FCER1G: variants seen among roughly 807,000 people sequenced by gnomAD.
FCER1G encodes high affinity immunoglobulin epsilon receptor subunit gamma.
FCER1G carries 7 observed loss-of-function variants against 17.3 expected under a neutral mutation model. That is an observed-to-expected ratio of 0.40 (90% CI 0.23 to 0.76). FCER1G has a LOEUF of 0.76. Ranked by LOEUF, FCER1G falls within the 30% of genes least tolerant of loss-of-function variation. The pLI, the probability that FCER1G is intolerant of heterozygous loss-of-function variation, is 0.35. For missense variants in FCER1G, 87 were observed against 97.7 expected (o/e 0.89, Z 0.46); for synonymous variants, 35 against 38.7 (o/e 0.90, Z 0.35).
chr1:161,218,735 T>C lies in FCER1G; in HGVS notation c.198+12T>C. The C allele has an allele frequency of 1.2e-6, 2 of 1,613,702 alleles. No individual in the cohort carries two copies. The highest frequency in any genetic ancestry group is 1.1e-5 in the South Asian group (1 of 91,076). ...ATGGTGTTTACACGGTAAGTGTGCC[T>C]ACCTCCCCCACCCAGGAAGTCAGCA... On this transcript the variant is annotated intron_variant, in intron 4 of 4. Coordinates refer to ENST00000289902, the MANE Select transcript of FCER1G (RefSeq NM_004106.2).
At chr1:161,215,695 C>T (rs1336574694) in intron 1 of FCER1G, among the ~76,000 whole-genome samples, 1 of 152,002 alleles carries the variant, frequency 6.6e-6, no homozygotes, top group Non-Finnish European at 1.5e-5. Flanking sequence ...TGGGTTCAAG[C>T]GATTCTCCTG....
chr1:161,215,414 G>A, intron 1 of FCER1G, 44 bp downstream of exon 1: 4 of 1,577,944 alleles, frequency 2.5e-6, no homozygotes, highest in African/African-American at 1.3e-5. Flanking sequence ...GCTCCAGGGT[G>A]GAAGTCCAGA....
intron 2 of FCER1G, 21 bp downstream of exon 2, chr1:161,218,098 G>T: frequency 1.3e-6 from 2 of 1,592,388 alleles, no homozygotes; most frequent in Non-Finnish European, 8.6e-7. Context: ...GCAGGGTGGG[G>T]TAAGGGCTGG....
intron 1 of FCER1G, 96 bp from the exon 2 acceptor site, chr1:161,217,890 C>A: frequency 1.2e-6 from 1 of 835,928 alleles, no homozygotes; most frequent in Non-Finnish European, 2.1e-6. Context: ...CCCCTCCAGG[C>A]CCTGTCCTAC....
chr1:161,216,373 CACAT>C (rs1417580922), intron 1 of FCER1G, among the ~76,000 whole-genome samples: 38 of 135,218 alleles, frequency 2.8e-4, no homozygotes, highest in African/African-American at 7.2e-4. Flanking sequence ...CACACACACA[CACAT>C]ACACACACAC....
rs764590075 is a variant in FCER1G, at chr1:161,218,992, G to A, written c.*49G>A. Reference sequence around the variant, plus strand: ...TCTTCTTTGGCTTCTGGTTCTTCCAGCCCTCATGGTTGGCATCACATATGC... The same window carrying A: ...TCTTCTTTGGCTTCTGGTTCTTCCAACCCTCATGGTTGGCATCACATATGC... On this transcript the variant is annotated 3_prime_UTR_variant, in exon 5 of 5. Coordinates refer to ENST00000289902, the MANE Select transcript of FCER1G (RefSeq NM_004106.2). 1.4e-5 allele frequency: 21 copies of A among 1,479,926 alleles called. No homozygotes were observed. Among genetic ancestry groups the A allele is most frequent in the African/African-American group, 2.8e-5 (2 of 72,394 alleles). 91.7% of individuals were successfully genotyped at this position (1,479,926 alleles called of 1,614,324 possible).
chr1:161,218,867 A>C lies in FCER1G; in HGVS notation c.199-14A>C. On this transcript the variant is annotated splice_polypyrimidine_tract_variant and intron_variant, in intron 4 of 4. Transcript: ENST00000289902. ...GACTCCAGCTCCTGATCGCCCTTTG[A>C]CTCCCATCTCCAGGGCCTGAGCACC... 2 of 1,612,174 alleles carry C rather than the reference A, an allele frequency of 1.2e-6. No individual in the cohort carries two copies. Among genetic ancestry groups the C allele is most frequent in the Non-Finnish European group, 1.7e-6 (2 of 1,178,602 alleles).
chr1:161,215,844 G>A (rs573102963), intron 1 of FCER1G, among the ~76,000 whole-genome samples: 8 of 151,964 alleles, frequency 5.3e-5, no homozygotes, highest in Non-Finnish European at 8.8e-5. Context: ...CACCCACCTC[G>A]ACCTCCCAAA....
At chr1:161,218,853 C>G in intron 4 of FCER1G, 28 bp from the exon 5 acceptor site, 10 of 1,608,926 alleles carry the variant, frequency 6.2e-6, no homozygotes, top group Non-Finnish European at 8.5e-6. Context: ...ACTCCAGCTC[C>G]TGATCGCCCT....
intron 1 of FCER1G, among the ~76,000 whole-genome samples, chr1:161,216,571 A>G (rs1203666909): frequency 6.6e-6 from 1 of 152,116 alleles, no homozygotes; most frequent in Non-Finnish European, 1.5e-5. Context: ...TTCTGTCAGC[A>G]GTTGATAATG....
Position 161,218,767 on chromosome 1 carries a change from G to C in FCER1G, c.198+44G>C. Reference sequence around the variant, plus strand: ...CCCACCCAGGAAGTCAGCAGAAGAGGGTGGGATTTTGAGCGATCTTTGGAA... The same window carrying C: ...CCCACCCAGGAAGTCAGCAGAAGAGCGTGGGATTTTGAGCGATCTTTGGAA... On this transcript the variant is annotated intron_variant, in intron 4 of 4. Coordinates refer to ENST00000289902, the MANE Select transcript of FCER1G (RefSeq NM_004106.2). The C allele has an allele frequency of 1.9e-6, 3 of 1,611,990 alleles. No individual in the cohort carries two copies. The East Asian group carries it at 6.7e-5, about 36-fold the overall frequency.
In FCER1G at chr1:161,215,296, T is replaced by A. The variant is rs1666008658; in HGVS notation, c.-26T>A. On this transcript the variant is annotated 5_prime_UTR_variant, in exon 1 of 5. Coordinates refer to ENST00000289902, the MANE Select transcript of FCER1G (RefSeq NM_004106.2). ...CGCTGAGCACAGCTGCACAGTGCTGTCAGAACGGCCGATCTCCAGCCCAAG... is the reference window on the plus strand; with the variant it reads ...CGCTGAGCACAGCTGCACAGTGCTGACAGAACGGCCGATCTCCAGCCCAAG... 6 of 1,612,578 alleles carry A rather than the reference T, an allele frequency of 3.7e-6. No homozygotes were observed. Among genetic ancestry groups the A allele is most frequent in the Non-Finnish European group, 5.1e-6 (6 of 1,178,784 alleles).
At chr1:161,217,797 G>A (rs1355936862) in intron 1 of FCER1G, among the ~76,000 whole-genome samples, 189 bp from the exon 2 acceptor site, 1 of 152,146 alleles carries the variant, frequency 6.6e-6, no homozygotes, top group African/African-American at 2.4e-5. Flanking sequence ...TCCTATCCTA[G>A]CCTGACCCTA....
intron 3 of FCER1G, 119 bp from the exon 4 acceptor site, chr1:161,218,584 T>C: frequency 1.0e-6 from 1 of 968,404 alleles, no homozygotes; most frequent in Non-Finnish European, 1.7e-6. Flanking sequence ...TCCATGTGAG[T>C]GCCCTCTAGC....
chr1:161,216,427 T>TATAGAGAGAG (rs1553250803), intron 1 of FCER1G, among the ~76,000 whole-genome samples: 1 of 136,062 alleles, frequency 7.3e-6, no homozygotes, highest in Non-Finnish European at 1.6e-5. Context: ...TATATATATA[T>TATAGAGAGAG]AGAGAGAGAG....
In FCER1G at chr1:161,217,985, GC is replaced by G; in HGVS notation, c.50del (p.Ala17GlyfsTer30). 1.2e-6 allele frequency: 2 copies of G among 1,611,392 alleles called. No individual in the cohort carries two copies. Among genetic ancestry groups the G allele is most frequent in the Non-Finnish European group, 8.5e-7 (1 of 1,177,610 alleles). On this transcript the variant is annotated frameshift_variant and splice_region_variant, in exon 2 of 5. Coordinates refer to ENST00000289902, the MANE Select transcript of FCER1G (RefSeq NM_004106.2). LOFTEE classifies it high-confidence loss of function. The part of the protein sequence containing the change: ...LLLLLLVEQA[A>X]ALGEPQLCYI... ...CCCATGGGCATCCTCTATCCCCTCA[GC>G]GGCCCTGGGAGAGCCTCAGCTCTGC...
At chr1:161,218,620 C>T in intron 3 of FCER1G, 83 bp from the exon 4 acceptor site, 7 of 1,473,954 alleles carry the variant, frequency 4.7e-6, no homozygotes, top group South Asian at 4.5e-5. Flanking sequence ...GCCCACCCCC[C>T]ATGCCTCCCT....
At chr1:161,218,830 G>C (rs1195826888) in intron 4 of FCER1G, 51 bp from the exon 5 acceptor site, 1 of 1,582,732 alleles carries the variant, frequency 6.3e-7, no homozygotes, top group Non-Finnish European at 8.7e-7. Context: ...GAGGTGGGAG[G>C]GGCCTCTGAT....
At chr1:161,217,923 C>T (rs1666080979) in intron 1 of FCER1G, 63 bp from the exon 2 acceptor site, 1 of 1,126,340 alleles carries the variant, frequency 8.9e-7, no homozygotes. Flanking sequence ...CTTCCCTTCT[C>T]TCCTCTGAGT....
Sources: allele counts gnomAD v4.1 joint callset (sites outside exome capture counted in the v4.1 genomes callset), GRCh38; gene constraint gnomAD v4.1.1; transcripts MANE v1.5; gene names NCBI Gene and HGNC (gene_info 2026-07-23, HGNC 2026-07-21).